ESRRG: variants seen among roughly 807,000 people sequenced by gnomAD.
ESRRG encodes estrogen related receptor gamma.
A neutral mutation model predicts 44.0 loss-of-function variants in ESRRG; 13 were observed. That is an observed-to-expected ratio of 0.30 (90% CI 0.19 to 0.47). The LOEUF is 0.47. Ranked by LOEUF, ESRRG falls within the 20% of genes least tolerant of loss-of-function variation. ESRRG has a pLI of 1.00. For missense variants in ESRRG, 395 were observed against 580.6 expected (o/e 0.68, Z 3.29); for synonymous variants, 215 against 214.6 (o/e 1.00, Z -0.02).
At chr1:216,665,916 C>A (rs1348436357) in intron 2 of ESRRG, among the ~76,000 whole-genome samples, 1 of 152,142 alleles carries the variant, frequency 6.6e-6, no homozygotes, top group Non-Finnish European at 1.5e-5. Context: ...TGGTTTATAA[C>A]TTGAGTGAGT....
At chr1:216,671,213 G>T (rs1222188890) in intron 2 of ESRRG, among the ~76,000 whole-genome samples, 1 of 152,178 alleles carries the variant, frequency 6.6e-6, no homozygotes, top group Non-Finnish European at 1.5e-5. Context: ...ATTCAGGCTT[G>T]TTTTTTGATG....
chr1:216,667,940 T>C lies in ESRRG; in HGVS notation c.472+9136A>G, dbSNP rs1399723300. 2.0e-5 allele frequency among the ~76,000 whole-genome samples: 3 copies of C among 151,072 alleles called. No homozygotes were observed. The South Asian group carries it at 6.3e-4, about 32-fold the overall frequency. ...GTGAAACCCCGTCTCTACTGAAAAATACAAAAATTAGCCAGGTGTAGTGGC... is the reference window on the plus strand; with the variant it reads ...GTGAAACCCCGTCTCTACTGAAAAACACAAAAATTAGCCAGGTGTAGTGGC... On this transcript the variant is annotated intron_variant, in intron 2 of 6. Transcript: ENST00000408911.
intron 2 of ESRRG, among the ~76,000 whole-genome samples, chr1:216,657,222 T>C (rs563949465): frequency 6.6e-6 from 1 of 152,214 alleles, no homozygotes; most frequent in African/African-American, 2.4e-5. Flanking sequence ...TATTATGGAA[T>C]AGTAATTTAT....
intron 1 of ESRRG, among the ~76,000 whole-genome samples, chr1:217,008,948 G>T (rs956572403): frequency 6.6e-6 from 1 of 152,106 alleles, no homozygotes; most frequent in Non-Finnish European, 1.5e-5. Context: ...GATTTTAGTG[G>T]CCAGATTTCA....
intron 1 of ESRRG, among the ~76,000 whole-genome samples, chr1:216,681,093 G>A (rs192141901): frequency 7.2e-4 from 109 of 152,194 alleles, no homozygotes; most frequent in African/African-American, 2.3e-3. Context: ...AACATGTGTC[G>A]AAATATGTGG....
At chr1:216,782,558 C>T (rs1037863829) in intron 2 of ESRRG, among the ~76,000 whole-genome samples, 14 of 152,080 alleles carry the variant, frequency 9.2e-5, no homozygotes, top group African/African-American at 2.9e-4. Context: ...TTTTAGCTTT[C>T]TTTTCTTTTT....
chr1:216,826,818 T>C (rs982134502), intron 2 of ESRRG, among the ~76,000 whole-genome samples: 4 of 152,230 alleles, frequency 2.6e-5, no homozygotes, highest in Non-Finnish European at 4.4e-5. Context: ...GAAAGGAATC[T>C]GAAATTGCTC....
intron 5 of ESRRG, among the ~76,000 whole-genome samples, chr1:216,527,333 T>C (rs2047967086): frequency 6.6e-6 from 1 of 152,118 alleles, no homozygotes; most frequent in Non-Finnish European, 1.5e-5. Flanking sequence ...CCAAAATCCT[T>C]TTATATCTTG....
chr1:216,870,480 G>C (rs190051278), intron 2 of ESRRG, among the ~76,000 whole-genome samples: 1 of 151,740 alleles, frequency 6.6e-6, no homozygotes, highest in Non-Finnish European at 1.5e-5. Context: ...TTGGTACAAG[G>C]GTTACTCTTT....
intron 2 of ESRRG, among the ~76,000 whole-genome samples, chr1:216,663,701 G>A (rs1396450514): frequency 2.0e-5 from 3 of 152,110 alleles, no homozygotes; most frequent in Admixed American, 2.0e-4. Context: ...GACTGATTCT[G>A]AGCTGCCTTC....
chr1:216,680,303 G>A (rs1243288102), intron 1 of ESRRG, among the ~76,000 whole-genome samples: 4 of 152,134 alleles, frequency 2.6e-5, no homozygotes, highest in Non-Finnish European at 5.9e-5. Context: ...AGGAAACCGA[G>A]CCTCAGACCT....
In ESRRG at chr1:216,977,341, T is replaced by TACACAC. The variant is rs1553749984; in HGVS notation, c.-105-37674_-105-37669dup. On this transcript the variant is annotated intron_variant, in intron 1 of 7. Transcript: ENST00000359162. ...AAACAAAGTTTCCAAGGAGGATACATACACACACACACACACACACACACA... is the reference window on the plus strand; with the variant it reads ...AAACAAAGTTTCCAAGGAGGATACATACACACACACACACACACACACACACACACA... 3.3e-3 allele frequency among the ~76,000 whole-genome samples: 482 copies of TACACAC among 144,068 alleles called. 4 individuals carry two copies. Among genetic ancestry groups the TACACAC allele is most frequent in the African/African-American group, 8.9e-3 (343 of 38,614 alleles). The allele number at this position is 144,068 out of a possible 152,430, so 94.5% of individuals were successfully genotyped here. A position where few individuals can be genotyped will look rare whatever the true frequency, so the allele number is the denominator to read the frequency against.
At chr1:217,051,205 G>GGT (rs1553259204) in intron 1 of ESRRG, among the ~76,000 whole-genome samples, 28 of 44,920 alleles carry the variant, frequency 6.2e-4, no homozygotes, top group East Asian at 1.8e-3. Context: ...TAATGGGGGC[G>GGT]GGGGGGGGGG....
Position 216,619,136 on chromosome 1 carries a change from A to C in ESRRG, c.589+31837T>G, listed in dbSNP as rs1016988192. On this transcript the variant is annotated intron_variant, in intron 3 of 6. Coordinates refer to ENST00000408911, the MANE Select transcript of ESRRG (RefSeq NM_001438.4). Reference sequence around the variant, plus strand: ...TTACAACTACATCTAATGTTATGAAATCAGAGAAGGGAAAGACTTCCTAAT... The same window carrying C: ...TTACAACTACATCTAATGTTATGAACTCAGAGAAGGGAAAGACTTCCTAAT... Among the ~76,000 whole-genome samples the C allele has an allele frequency of 9.8e-5, 15 of 152,346 alleles. No homozygotes were observed. In the South Asian group the frequency reaches 2.3e-3, roughly 23 times the overall value.
At chr1:217,006,123 T>C (rs138595599) in intron 1 of ESRRG, among the ~76,000 whole-genome samples, 5 of 152,280 alleles carry the variant, frequency 3.3e-5, no homozygotes, top group South Asian at 2.1e-4. Context: ...TTTGGCTTAT[T>C]ATCAGACTTC....
chr1:217,108,397 G>A (rs1473027157), intron 1 of ESRRG, among the ~76,000 whole-genome samples: 1 of 152,054 alleles, frequency 6.6e-6, no homozygotes, highest in East Asian at 1.9e-4. Flanking sequence ...TCATTTTCTT[G>A]TTATTCTTCC....
chr1:216,730,596 T>C (rs914086007), intron 2 of ESRRG, among the ~76,000 whole-genome samples: 2 of 152,164 alleles, frequency 1.3e-5, no homozygotes, highest in African/African-American at 4.8e-5. Context: ...GTCAATGTTA[T>C]AGGAACACAA....
chr1:216,754,916 A>C (rs534272897), intron 2 of ESRRG, among the ~76,000 whole-genome samples: 1 of 152,040 alleles, frequency 6.6e-6, no homozygotes, highest in African/African-American at 2.4e-5. Flanking sequence ...CATTCAACAA[A>C]TATTTCAAGA....
intron 2 of ESRRG, among the ~76,000 whole-genome samples, chr1:216,651,880 A>G (rs1479247391): frequency 6.6e-6 from 1 of 152,176 alleles, no homozygotes; most frequent in Admixed American, 6.6e-5. Flanking sequence ...GCAACTAAGA[A>G]ACCAGAAGAA....
Sources: gnomAD v4.1 joint callset for allele counts (sites outside exome capture counted in the v4.1 genomes callset) on GRCh38, gnomAD v4.1.1 for gene constraint, MANE v1.5 for transcripts, NCBI Gene and HGNC (gene_info 2026-07-23, HGNC 2026-07-21) for gene names.